Variants in CFAP77 observed in about 807,000 individuals in gnomAD.
CFAP77 encodes the protein cilia and flagella associated protein 77.
In CFAP77, 25 loss-of-function variants were observed where a neutral mutation model predicts 31.1. That is an observed-to-expected ratio of 0.80 (90% confidence interval 0.59 to 1.12). CFAP77 has a LOEUF of 1.12. CFAP77 is among the 50% of genes most tolerant of loss of function. CFAP77 has a pLI of 0.00. For synonymous variants in CFAP77, 151 were observed against 159.9 expected (o/e 0.94, Z 0.42); for missense variants, 377 against 397.3 (o/e 0.95, Z 0.44).
At chr9:132,568,530 T>A (rs1009916761) in intron 5 of CFAP77, among the ~76,000 whole-genome samples, 7 of 132,324 alleles carry the variant, frequency 5.3e-5, no homozygotes, top group African/African-American at 2.1e-4. Flanking sequence ...CACTCCAGCC[T>A]GGGCAACAAG....
chr9:132,569,637 C>T (rs150917935), intron 5 of CFAP77, among the ~76,000 whole-genome samples: 1 of 152,046 alleles, frequency 6.6e-6, no homozygotes, highest in East Asian at 1.9e-4. Flanking sequence ...AGGGGTGCCT[C>T]AGGTCCAAGC....
chr9:132,483,374 T>C (rs1303509120), intron 1 of CFAP77, among the ~76,000 whole-genome samples: 1 of 151,956 alleles, frequency 6.6e-6, no homozygotes, highest in East Asian at 1.9e-4. Context: ...TATATTAGAG[T>C]GGCCACCCAG....
At chr9:132,470,968 A>G (rs939605523) in intron 1 of CFAP77, among the ~76,000 whole-genome samples, 1 of 152,082 alleles carries the variant, frequency 6.6e-6, no homozygotes, top group Non-Finnish European at 1.5e-5. Flanking sequence ...ACAGAGTGAG[A>G]CTCTGTTTCA....
chr9:132,427,420 CTGT>C (rs1850335627), intron 1 of CFAP77, among the ~76,000 whole-genome samples: 1 of 152,166 alleles, frequency 6.6e-6, no homozygotes, highest in Non-Finnish European at 1.5e-5. Flanking sequence ...GCTTTGCCCT[CTGT>C]ATTAGGGCTG....
In CFAP77 at chr9:132,554,216, C is replaced by T. The variant is rs368016182; in HGVS notation, c.732+11169C>T. ...TCTGTTGTGGAAAAAACATGCTCGA[C>T]GTGATGGAATGTGCTCCGTTTGGCT... On this transcript the variant is annotated intron_variant, in intron 5 of 5. Transcript: ENST00000393216. The surrounding 1 kb of genome is among the most constrained non-coding windows in gnomAD (Gnocchi z 4.1). 3.3e-5 allele frequency among the ~76,000 whole-genome samples: 5 copies of T among 152,130 alleles called. No homozygotes were observed. The highest frequency in any genetic ancestry group is 7.4e-5 in the Non-Finnish European group (5 of 68,026).
intron 3 of CFAP77, chr9:132,513,215 G>T: frequency 6.6e-7 from 1 of 1,523,038 alleles, no homozygotes; most frequent in South Asian, 1.2e-5. Flanking sequence ...CTCTAGTCAA[G>T]GGAGCAAAAC....
intron 1 of CFAP77, among the ~76,000 whole-genome samples, chr9:132,430,994 T>A (rs1436852748): frequency 6.6e-6 from 1 of 152,190 alleles, no homozygotes; most frequent in Non-Finnish European, 1.5e-5. Flanking sequence ...TAGAAACCTG[T>A]GATTCTAGTC....
At chr9:132,542,865 C>T (rs1852668812) in intron 4 of CFAP77, 81 bp from the exon 5 acceptor site, 2 of 1,123,580 alleles carry the variant, frequency 1.8e-6, no homozygotes, top group Non-Finnish European at 1.4e-6. Flanking sequence ...AATCCCAGCC[C>T]TCTGTCTCTA....
intron 1 of CFAP77, among the ~76,000 whole-genome samples, chr9:132,471,840 A>G (rs1210339270): frequency 6.6e-6 from 1 of 152,150 alleles, no homozygotes; most frequent in East Asian, 1.9e-4. Flanking sequence ...AGATAGGACT[A>G]TAGGCATGTG....
In CFAP77 at chr9:132,446,743, CAAAAAAAAAA is replaced by C. The variant is rs1184310514; in HGVS notation, c.195+36291_195+36300del. Among the ~76,000 whole-genome samples, 333 of 66,062 alleles carry C rather than the reference CAAAAAAAAAA, an allele frequency of 5.0e-3. 1 individual carries two copies. Among genetic ancestry groups the C allele is most frequent in the African/African-American group, 0.017 (312 of 18,392 alleles). The allele number at this position is 66,062 out of a possible 152,430, so 43.3% of individuals were successfully genotyped here. ...GCGACAGAGCAAAACTCCTCCGTCT[CAAAAAAAAAA>C]AAAAAAAAAAAAAGATAACATGTGG... On this transcript the variant is annotated intron_variant, in intron 1 of 5. Transcript: ENST00000393216.
chr9:132,488,138 G>A (rs1454127438), intron 1 of CFAP77, among the ~76,000 whole-genome samples: 2 of 152,158 alleles, frequency 1.3e-5, no homozygotes, highest in Non-Finnish European at 2.9e-5. Flanking sequence ...TTAGACGCAG[G>A]GCTGGAGGGT....
intron 1 of CFAP77, among the ~76,000 whole-genome samples, chr9:132,494,948 A>G (rs1851717429): frequency 6.6e-6 from 1 of 152,124 alleles, no homozygotes. Context: ...ATCTTCTCTC[A>G]CGCTTTAAAC....
intron 3 of CFAP77, among the ~76,000 whole-genome samples, chr9:132,513,559 GTCC>G (rs1013438713): frequency 1.3e-5 from 2 of 152,148 alleles, no homozygotes; most frequent in African/African-American, 4.8e-5. Flanking sequence ...ACTGAGCGGG[GTCC>G]TGTGCCCTGG....
rs189444904 is a variant in CFAP77 at position 132,462,677 on chromosome 9, G to A, written c.196-36018G>A. On this transcript the variant is annotated intron_variant, in intron 1 of 5. Transcript: ENST00000393216. Reference sequence around the variant, plus strand: ...AAAAATAGAAAAAAATTACCCAGGCGTGGTGGTGGGCGCCTGTAATCCCAG... The same window carrying A: ...AAAAATAGAAAAAAATTACCCAGGCATGGTGGTGGGCGCCTGTAATCCCAG... Among the ~76,000 whole-genome samples the A allele has an allele frequency of 4.7e-4, 72 of 152,248 alleles. No individual in the cohort carries two copies. The East Asian group carries it at 7.5e-3, about 16-fold the overall frequency.
chr9:132,504,106 T>TA (rs1851896442), intron 3 of CFAP77, among the ~76,000 whole-genome samples: 2 of 152,160 alleles, frequency 1.3e-5, no homozygotes, highest in Non-Finnish European at 2.9e-5. Context: ...AGCCCTTACT[T>TA]AAAACAGGAG....
At chr9:132,486,054 ATG>A (rs199499678) in intron 1 of CFAP77, among the ~76,000 whole-genome samples, 304 of 27,500 alleles carry the variant, frequency 0.011, 75 homozygotes, top group African/African-American at 0.094. Flanking sequence ...ATGTATATGT[ATG>A]TGTGTGTGTG....
chr9:132,511,438 C>A lies in CFAP77; in HGVS notation c.524+11838C>A, dbSNP rs763334720. Among the ~76,000 whole-genome samples, 2 of 152,228 alleles carry A rather than the reference C, an allele frequency of 1.3e-5. No homozygotes were observed. Among genetic ancestry groups the A allele is most frequent in the South Asian group, 2.1e-4 (1 of 4,830 alleles). Reference sequence around the variant, plus strand: ...TGCCTGCAGACCTGAGCATCTCCCCCACCAGACTCAGTGGGGCGGGCCTGG... The same window carrying A: ...TGCCTGCAGACCTGAGCATCTCCCCAACCAGACTCAGTGGGGCGGGCCTGG... On this transcript the variant is annotated intron_variant, in intron 3 of 5. Transcript: ENST00000393216. The surrounding 1 kb of genome is among the most constrained non-coding windows in gnomAD (Gnocchi z 5.8).
At chr9:132,489,825 T>C (rs1851623460) in intron 1 of CFAP77, among the ~76,000 whole-genome samples, 1 of 152,104 alleles carries the variant, frequency 6.6e-6, no homozygotes, top group African/African-American at 2.4e-5. Context: ...GGCAGGCTGA[T>C]GGGGCACCGG....
intron 4 of CFAP77, among the ~76,000 whole-genome samples, chr9:132,542,297 A>T (rs978836786): frequency 1.3e-5 from 2 of 152,202 alleles, no homozygotes; most frequent in African/African-American, 4.8e-5. Flanking sequence ...GACATGACAC[A>T]GTCGAAGCCA....
Sources: gnomAD v4.1 joint callset for allele counts (sites outside exome capture counted in the v4.1 genomes callset) on GRCh38, gnomAD v4.1.1 for gene constraint, Gnocchi (gnomAD v3.1) non-coding constraint, MANE v1.5 for transcripts, NCBI Gene and HGNC (gene_info 2026-07-23, HGNC 2026-07-21) for gene names.